DGKI: variants seen among roughly 807,000 people sequenced by gnomAD.
DGKI encodes diacylglycerol kinase iota.
DGKI carries 55 observed loss-of-function variants against 147.5 expected under a neutral mutation model. The observed-to-expected ratio is 0.37, with a 90% CI of 0.30 to 0.47. The LOEUF (loss-of-function observed/expected upper bound fraction) is 0.47, where lower values mean the gene tolerates loss of function less well. Among genes scored for constraint, DGKI ranks in the 20% least tolerant of loss-of-function variants. The pLI is 1.00. For synonymous variants in DGKI, 469 were observed against 477.1 expected, an observed-to-expected ratio of 0.98 and a Z score of 0.22; for missense variants, 1,007 against 1,323.8, an observed-to-expected ratio of 0.76 and a Z score of 3.71.
At chr7:137,673,440 C>T (rs1822923004) in intron 3 of DGKI, among the ~76,000 whole-genome samples, 1 of 152,178 alleles carries the variant, frequency 6.6e-6, no homozygotes. Context: ...TGATGTGGTA[C>T]ATCCAGAATG....
At chr7:137,575,796 G>A (rs1319671868) in intron 17 of DGKI, among the ~76,000 whole-genome samples, 1 of 152,168 alleles carries the variant, frequency 6.6e-6, no homozygotes, top group Non-Finnish European at 1.5e-5. Context: ...TATGAGAACT[G>A]AAACATCTGA....
chr7:137,700,924 A>C (rs1823961086), intron 1 of DGKI, among the ~76,000 whole-genome samples: 1 of 146,318 alleles, frequency 6.8e-6, no homozygotes, highest in Non-Finnish European at 1.5e-5. Flanking sequence ...TAAATAAATA[A>C]AATAAAGTGC....
chr7:137,752,093 T>TCG (rs1795506632), intron 1 of DGKI, among the ~76,000 whole-genome samples: 3 of 152,184 alleles, frequency 2.0e-5, no homozygotes, highest in South Asian at 2.1e-4. Context: ...ACTAAAAATT[T>TCG]GCCTATTTCC....
chr7:137,635,786 T>A (rs1487598858), intron 6 of DGKI, among the ~76,000 whole-genome samples: 3 of 152,226 alleles, frequency 2.0e-5, no homozygotes, highest in Non-Finnish European at 4.4e-5. Context: ...TGTGTCTCCA[T>A]GACAAAATAC....
At position 137,846,422 on chromosome 7, in the gene DGKI, C is replaced by T. The variant is rs376682810; in HGVS notation, c.401+40G>A. The T allele has an allele frequency of 5.6e-4, 831 of 1,494,152 alleles. No individual in the cohort carries two copies. Among genetic ancestry groups the T allele is most frequent in the Non-Finnish European group, 6.9e-4 (763 of 1,098,210 alleles). The allele number at this position is 1,494,152 out of a possible 1,614,324, so 92.6% of individuals were successfully genotyped here. ...CTGGGTAGAAGAGTGGGTCTCCCGC[C>T]GCGGCGCACCTGTCTCGGCTGCCGG... On this transcript the variant is annotated intron_variant, in intron 1 of 32. Coordinates refer to ENST00000614521, the MANE Select transcript of DGKI (RefSeq NM_001321708.2). The surrounding 1 kb of genome is among the most constrained non-coding windows in gnomAD (Gnocchi z 4.0).
chr7:137,618,412 A>C (rs1052592634), intron 8 of DGKI, among the ~76,000 whole-genome samples: 1 of 150,952 alleles, frequency 6.6e-6, no homozygotes, highest in Admixed American at 6.7e-5. Flanking sequence ...TACTCCACAG[A>C]CCTAAATCTC....
intron 11 of DGKI, 44 bp from the exon 12 acceptor site, chr7:137,597,951 C>G: frequency 6.4e-7 from 1 of 1,569,356 alleles, no homozygotes; most frequent in Non-Finnish European, 8.7e-7. Context: ...GAACATTTCA[C>G]TGGCTAGAGC....
chr7:137,639,402 C>T (rs1821540990), intron 6 of DGKI, among the ~76,000 whole-genome samples: 1 of 152,174 alleles, frequency 6.6e-6, no homozygotes, highest in South Asian at 2.1e-4. Context: ...ACAAAGAGGC[C>T]ATTTGCTTGC....
chr7:137,821,021 A>G (rs2117034223), intron 1 of DGKI, among the ~76,000 whole-genome samples: 1 of 152,276 alleles, frequency 6.6e-6, no homozygotes, highest in East Asian at 1.9e-4. Context: ...CTCATTAGCA[A>G]CAGCCTCTCC....
intron 1 of DGKI, among the ~76,000 whole-genome samples, chr7:137,734,474 G>A (rs868436543): frequency 1.5e-4 from 23 of 151,930 alleles, no homozygotes; most frequent in African/African-American, 2.9e-4. Flanking sequence ...AGTTTCTGAC[G>A]TGTGTGCTCT....
intron 2 of DGKI, among the ~76,000 whole-genome samples, chr7:137,679,422 T>A (rs1007640182): frequency 1.9e-4 from 29 of 150,864 alleles, no homozygotes; most frequent in Non-Finnish European, 3.2e-4. Flanking sequence ...TTTTTTTTAA[T>A]CGTACGATGA....
intron 6 of DGKI, among the ~76,000 whole-genome samples, chr7:137,630,074 T>C (rs1821075692): frequency 6.6e-6 from 1 of 152,250 alleles, no homozygotes; most frequent in Non-Finnish European, 1.5e-5. Flanking sequence ...AAGATCTTTA[T>C]AATTTCTGAC....
intron 1 of DGKI, among the ~76,000 whole-genome samples, chr7:137,831,721 G>A (rs78908665): frequency 6.6e-6 from 1 of 152,106 alleles, no homozygotes; most frequent in African/African-American, 2.4e-5. Context: ...AACCAACTGT[G>A]CCTTCCCAAG....
At chr7:137,438,733 C>A (rs930480924) in intron 28 of DGKI, among the ~76,000 whole-genome samples, 1 of 151,964 alleles carries the variant, frequency 6.6e-6, no homozygotes, top group Non-Finnish European at 1.5e-5. Flanking sequence ...TATACTCATA[C>A]AATAGAGTAG....
At chr7:137,443,633 G>C (rs918944237) in intron 28 of DGKI, among the ~76,000 whole-genome samples, 2 of 152,146 alleles carry the variant, frequency 1.3e-5, no homozygotes, top group Non-Finnish European at 2.9e-5. Context: ...CTTCCTTTCA[G>C]ATTTAGAGTG....
intron 6 of DGKI, among the ~76,000 whole-genome samples, chr7:137,645,251 G>T (rs537475066): frequency 6.6e-6 from 1 of 152,330 alleles, no homozygotes; most frequent in African/African-American, 2.4e-5. Flanking sequence ...ATGCATCCAG[G>T]TATCTTAAAA....
chr7:137,806,680 G>T (rs538944662), intron 1 of DGKI, among the ~76,000 whole-genome samples: 53 of 152,124 alleles, frequency 3.5e-4, no homozygotes, highest in African/African-American at 1.2e-3. Flanking sequence ...TGATCTGCCC[G>T]CCTCGGCCTC....
intron 21 of DGKI, among the ~76,000 whole-genome samples, chr7:137,518,415 G>A (rs954571386): frequency 2.6e-5 from 4 of 151,980 alleles, no homozygotes; most frequent in Admixed American, 6.6e-5. Context: ...TACCTAGTTT[G>A]GTTAACACTA....
chr7:137,413,492 T>C (rs1213691545), intron 28 of DGKI, among the ~76,000 whole-genome samples: 1 of 152,070 alleles, frequency 6.6e-6, no homozygotes, highest in African/African-American at 2.4e-5. Context: ...TGTCCATGAG[T>C]ACCCAAGATT....
Sources: gnomAD v4.1 joint callset for allele counts (sites outside exome capture counted in the v4.1 genomes callset) on GRCh38, gnomAD v4.1.1 for gene constraint, Gnocchi (gnomAD v3.1) non-coding constraint, MANE v1.5 for transcripts, NCBI Gene and HGNC (gene_info 2026-07-23, HGNC 2026-07-21) for gene names.